GAK: variants seen among roughly 807,000 people sequenced by gnomAD.
GAK encodes the protein cyclin G associated kinase, also known as cyclin-G-associated kinase.
A neutral mutation model predicts 143.9 loss-of-function variants in GAK; 79 were observed. The ratio of observed to expected loss-of-function variants is 0.55; its 90% CI spans 0.46 to 0.66. The LOEUF is 0.66. GAK is among the 30% of genes least tolerant of loss of function. The pLI, the probability that GAK is intolerant of heterozygous loss-of-function variation, is 0.00. For synonymous variants in GAK, 881 were observed against 765.5 expected, an observed-to-expected ratio of 1.15 and a Z score of -2.49; for missense variants, 1,693 against 1,779.7, an observed-to-expected ratio of 0.95 and a Z score of 0.88.
At chr4:927,121 A>G (rs80150671) in intron 1 of GAK, among the ~76,000 whole-genome samples, 2 of 43,084 alleles carry the variant, frequency 4.6e-5, no homozygotes. Flanking sequence ...GCTCACCTGC[A>G]GTCCGCACTG....
At position 883,361 on chromosome 4, in the gene GAK, T is replaced by C; in HGVS notation, c.1358A>G (p.Tyr453Cys). ...CCGGTAGGTCCTCGGGGACAGGTTG[T>C]AGACGGCATAGTGCCCTGGGTGCTT... is the stretch of plus-strand genomic sequence containing the variant. ...DSKHPGHYAV[Y>C]NLSPRTYRPS... The change falls in exon 13 of 28, where the codon TAC (tyrosine) becomes TGC (cysteine). Residue 453 changes from tyrosine (Y) to cysteine (C), a missense_variant. Coordinates refer to ENST00000314167, the MANE Select transcript of GAK (RefSeq NM_005255.4). The C allele has an allele frequency of 6.2e-7, 1 of 1,613,714 alleles. No homozygotes were observed.
intron 11 of GAK, 32 bp downstream of exon 11, chr4:888,815 G>T (rs757054644): frequency 5.1e-6 from 8 of 1,583,658 alleles, no homozygotes; most frequent in Non-Finnish European, 8.6e-7. Context: ...CGAGCGTGCG[G>T]CAGGTCCAGG....
In GAK at chr4:870,957, T is replaced by G. The variant is rs1712459776; in HGVS notation, c.2055-53A>C. The G allele has an allele frequency of 3.4e-6, 5 of 1,459,232 alleles. No homozygotes were observed. The African/African-American group carries it at 5.7e-5, about 17-fold the overall frequency. 90.4% of individuals were successfully genotyped at this position (1,459,232 alleles called of 1,614,324 possible). On this transcript the variant is annotated intron_variant, in intron 18 of 27. Transcript: ENST00000314167. ...GAAGGCCACCCAAGTAGTCTGTAAG[T>G]CCTTGGACATTCACTAAAGAAACGT...
rs547777585 is a variant in GAK, at chr4:898,969, C to T, written c.526-811G>A. Among the ~76,000 whole-genome samples the T allele has an allele frequency of 3.4e-4, 52 of 152,352 alleles. 1 individual carries two copies. The highest frequency in any genetic ancestry group is 9.6e-4 in the African/African-American group (40 of 41,574). ...GCTCTGATAACAGGGCATGGGAGCT[C>T]GGGCCAAACAGGGAATCCAGCGAGT... On this transcript the variant is annotated intron_variant, in intron 5 of 27. Transcript: ENST00000314167.
At chr4:922,438 C>T (rs1724058791) in intron 1 of GAK, among the ~76,000 whole-genome samples, 1 of 151,202 alleles carries the variant, frequency 6.6e-6, no homozygotes. Flanking sequence ...CTGCTTGAAC[C>T]CAGGAGGCAG....
At chr4:920,113 C>G (rs560102483) in intron 1 of GAK, among the ~76,000 whole-genome samples, 152 of 152,258 alleles carry the variant, frequency 1.0e-3, no homozygotes, top group South Asian at 3.1e-3. Context: ...TCGAGACCAT[C>G]CTGGCTAACG....
At chr4:856,725 CA>C (rs1347872404) in intron 24 of GAK, among the ~76,000 whole-genome samples, 1 of 150,716 alleles carries the variant, frequency 6.6e-6, no homozygotes, top group Admixed American at 6.6e-5. Context: ...CACAGCTGCT[CA>C]CCACAGCTGC....
At chr4:921,291 C>T (rs978203791) in intron 1 of GAK, among the ~76,000 whole-genome samples, 1 of 152,236 alleles carries the variant, frequency 6.6e-6, no homozygotes, top group South Asian at 2.1e-4. Context: ...TTAGTAGAGA[C>T]GGGGTTTCAC....
intron 5 of GAK, among the ~76,000 whole-genome samples, chr4:903,716 C>G (rs111808592): frequency 0.052 from 3,677 of 71,202 alleles, 64 homozygotes; most frequent in Non-Finnish European, 0.073. Flanking sequence ...GGTGGGGGGG[C>G]GGCCGAGGAA....
At chr4:903,658 C>T (rs143570323) in intron 5 of GAK, among the ~76,000 whole-genome samples, 52 of 121,894 alleles carry the variant, frequency 4.3e-4, no homozygotes, top group African/African-American at 1.5e-3. Flanking sequence ...GAGGAAGGAG[C>T]GTGGGGTGAG....
chr4:851,088 G>C lies in GAK; in HGVS notation c.3509-4C>G, dbSNP rs1461326705. The C allele has an allele frequency of 3.1e-6, 5 of 1,612,166 alleles. No individual in the cohort carries two copies. Among genetic ancestry groups the C allele is most frequent in the Non-Finnish European group, 3.4e-6 (4 of 1,179,208 alleles). The stretch of plus-strand genomic sequence containing the variant: ...TCAGAGACTTTTGGCTTTTGAGCTA[G>C]AAAAGAACAGAAACTTTTTTTTGTT... On this transcript the variant is annotated splice_polypyrimidine_tract_variant and splice_region_variant and intron_variant, in intron 25 of 27. Coordinates refer to ENST00000314167, the MANE Select transcript of GAK (RefSeq NM_005255.4).
At chr4:906,731 C>T (rs1013117591) in intron 4 of GAK, among the ~76,000 whole-genome samples, 7 of 152,146 alleles carry the variant, frequency 4.6e-5, no homozygotes, top group Non-Finnish European at 1.0e-4. Context: ...CATCCCACTC[C>T]ACACCCCTGA....
rs964611792 is a variant in GAK at position 892,852 on chromosome 4, A to C, written c.990+525T>G. 9.2e-5 allele frequency among the ~76,000 whole-genome samples: 14 copies of C among 152,218 alleles called. 1 individual carries two copies. Among genetic ancestry groups the C allele is most frequent in the Admixed American group, 7.2e-4 (11 of 15,278 alleles). On this transcript the variant is annotated intron_variant, in intron 9 of 27. Transcript: ENST00000314167. ...AGAAAGGCGCCTGCAAACCTCAAGG[A>C]GGCCAGAGGAGCGCGTGCAGAGTGC...
At position 911,656 on chromosome 4, in the gene GAK, C is replaced by A; in HGVS notation, c.382+17G>T. 3.8e-6 allele frequency: 6 copies of A among 1,586,964 alleles called. No individual in the cohort carries two copies. Among genetic ancestry groups the A allele is most frequent in the Non-Finnish European group, 5.2e-6 (6 of 1,155,754 alleles). On this transcript the variant is annotated intron_variant, in intron 4 of 27. Transcript: ENST00000314167. Reference sequence around the variant, plus strand: ...GCTGGGTTAGATGGCACCAAGCCGGCCTTCACAGGACGTTACCTTTACAGA... The same window carrying A: ...GCTGGGTTAGATGGCACCAAGCCGGACTTCACAGGACGTTACCTTTACAGA...
At chr4:880,626 C>G (rs1714902047) in intron 15 of GAK, among the ~76,000 whole-genome samples, 1 of 152,122 alleles carries the variant, frequency 6.6e-6, no homozygotes, top group Non-Finnish European at 1.5e-5. Flanking sequence ...ACCGGTTGGA[C>G]TCTTTCTGGC....
At chr4:902,269 C>T (rs1316061105) in intron 5 of GAK, among the ~76,000 whole-genome samples, 2 of 150,788 alleles carry the variant, frequency 1.3e-5, no homozygotes, top group East Asian at 2.0e-4. Flanking sequence ...GTCCTCACGT[C>T]CCCAGAGACA....
rs748567431 is a variant in GAK, at chr4:876,549, T to C, written c.2035A>G (p.Thr679Ala). 1.4e-5 allele frequency: 22 copies of C among 1,613,960 alleles called. No homozygotes were observed. The highest frequency in any genetic ancestry group is 1.8e-5 in the Non-Finnish European group (21 of 1,180,004). ...ACGTACTTGGCAAATTTCACAGTGG[T>C]GGCGTTCCGAGGCACAAACCCCGTG... ...FHTGFVPRNA[T>A]TVKFAKYDLD... Residue 679 changes from threonine to alanine, a missense_variant, in exon 18 of 28, where the codon ACC (threonine) becomes GCC (alanine). By Grantham distance (58) the Thr-to-Ala change is moderately conservative. This residue lies in a region of GAK where 871 missense variants were observed against 991.0 expected (regional missense o/e 0.88). Transcript: ENST00000314167.
chr4:892,325 C>T (rs187967699), intron 9 of GAK, among the ~76,000 whole-genome samples: 4 of 152,126 alleles, frequency 2.6e-5, no homozygotes, highest in Non-Finnish European at 4.4e-5. Context: ...CAGACCCCTG[C>T]GAGATCTGCA....
chr4:863,578 T>C (rs2152732225), intron 23 of GAK, among the ~76,000 whole-genome samples: 1 of 152,298 alleles, frequency 6.6e-6, no homozygotes, highest in Admixed American at 6.5e-5. Context: ...CACCCCAGCC[T>C]TCAGGAATCA....
Sources: allele counts gnomAD v4.1 joint callset (sites outside exome capture counted in the v4.1 genomes callset), GRCh38; gene constraint gnomAD v4.1.1; regional missense constraint gnomAD v4.1.1; transcripts MANE v1.5; gene names NCBI Gene and HGNC (gene_info 2026-07-23, HGNC 2026-07-21).